RXRB: variants seen among roughly 807,000 people sequenced by gnomAD.
The protein encoded by RXRB is retinoic acid receptor RXR-beta.
In RXRB, 18 loss-of-function variants were observed where a neutral mutation model predicts 52.5. That is an observed-to-expected ratio of 0.34 (90% CI 0.24 to 0.51). The LOEUF is 0.51. Ranked by LOEUF, RXRB falls within the 20% of genes least tolerant of loss-of-function variation. The pLI is 0.97. For missense variants in RXRB, 455 were observed against 698.2 expected, an observed-to-expected ratio of 0.65 and a Z score of 3.92; for synonymous variants, 233 against 267.1, an observed-to-expected ratio of 0.87 and a Z score of 1.25.
At position 33,200,518 on chromosome 6, in the gene RXRB, A is replaced by C; in HGVS notation, c.-42T>G. 6.5e-7 allele frequency: 1 copy of C among 1,543,856 alleles called. No homozygotes were observed. The highest frequency in any genetic ancestry group is 1.2e-5 in the South Asian group (1 of 82,942). ...TAGGGATACCGAAGAGGTCCCAGGG[A>C]TTCCCAAGGATTGATCGGAGGATTA... is the stretch of plus-strand genomic sequence containing the variant. On this transcript the variant is annotated 5_prime_UTR_variant, in exon 1 of 10. Transcript: ENST00000374680. The surrounding 1 kb of genome is among the most constrained non-coding windows in gnomAD (Gnocchi z 6.3).
chr6:33,195,330 G>T lies in RXRB; in HGVS notation c.1348+33C>A. 1.4e-6 allele frequency: 2 copies of T among 1,408,318 alleles called. No individual in the cohort carries two copies. The highest frequency in any genetic ancestry group is 2.0e-6 in the Non-Finnish European group (2 of 993,096). The allele number at this position is 1,408,318 out of a possible 1,614,324, so 87.2% of individuals were successfully genotyped here. ...GAAGAGGAGGCTCCAAGGTTGCCTT[G>T]GCCTTGAGAGACAAAGGTAATCCTC... On this transcript the variant is annotated intron_variant, in intron 8 of 9. Coordinates refer to ENST00000374680, the MANE Select transcript of RXRB (RefSeq NM_021976.5). This position sits in a 1 kb window ranked among gnomAD's most constrained non-coding sequence, Gnocchi z 8.6.
Position 33,195,890 on chromosome 6 carries a change from G to A in RXRB, c.1123+17C>T, listed in dbSNP as rs1367295510. The A allele has an allele frequency of 6.2e-7, 1 of 1,612,048 alleles. No individual in the cohort carries two copies. The highest frequency in any genetic ancestry group is 8.5e-7 in the Non-Finnish European group (1 of 1,180,006). On this transcript the variant is annotated intron_variant, in intron 6 of 9. Transcript: ENST00000374680. The surrounding 1 kb of genome is among the most constrained non-coding windows in gnomAD (Gnocchi z 8.6). ...GGGTCAAATGTCAAGAAGTCAAAGGGATCCAAGGTCACTGACCTGCCCGCA... is the reference window on the plus strand; with the variant it reads ...GGGTCAAATGTCAAGAAGTCAAAGGAATCCAAGGTCACTGACCTGCCCGCA...
chr6:33,196,858 T>C lies in RXRB; in HGVS notation c.821-252A>G, dbSNP rs189171886. On this transcript the variant is annotated intron_variant, in intron 4 of 9. Transcript: ENST00000374680. The surrounding 1 kb of genome is among the most constrained non-coding windows in gnomAD (Gnocchi z 4.0). The stretch of plus-strand genomic sequence containing the variant: ...GAATTTAAATGGAGAGCCTACTACA[T>C]GGTTAAAAAAAACATGCCAAGATTC... Among the ~76,000 whole-genome samples, 63 of 152,016 alleles carry C rather than the reference T, an allele frequency of 4.1e-4. No homozygotes were observed. The highest frequency in any genetic ancestry group is 1.5e-3 in the African/African-American group (61 of 41,470).
chr6:33,198,355 G>A lies in RXRB; in HGVS notation c.593C>T (p.Pro198Leu). ...GLHCPPPPGG[P>L]GAGKRLCAIC... ...TGCACATAGCCGTTTGCCAGCCCCA[G>A]GGCCACCTGGAGGGGGTGGACAGTG... Residue 198 changes from proline to leucine, a missense_variant, in exon 3 of 10, where the codon CCT becomes CTT. Physicochemically the swap from Pro to Leu is moderately conservative, Grantham distance 98 (BLOSUM62 -3). This residue lies in a region of RXRB where 225 missense variants were observed against 258.6 expected (regional missense o/e 0.87). Transcript: ENST00000374680. 1 of 1,613,060 alleles carries A rather than the reference G, an allele frequency of 6.2e-7. No homozygotes were observed. The highest frequency in any genetic ancestry group is 8.5e-7 in the Non-Finnish European group (1 of 1,180,022).
rs1232184423 is a variant in RXRB, at chr6:33,195,527, C to T, written c.1256+43G>A. 2 of 1,613,046 alleles carry T rather than the reference C, an allele frequency of 1.2e-6. No homozygotes were observed. The highest frequency in any genetic ancestry group is 1.3e-5 in the African/African-American group (1 of 75,046). On this transcript the variant is annotated intron_variant, in intron 7 of 9. Transcript: ENST00000374680. This position sits in a 1 kb window ranked among gnomAD's most constrained non-coding sequence, Gnocchi z 8.6. ...TTGGACACGGACCAGCCTATAGCCC[C>T]ACCCCCTCTATCTACATGCCAGCCT...
chr6:33,194,438 A>C lies in RXRB; in HGVS notation c.*244T>G, dbSNP rs2744537. On this transcript the variant is annotated 3_prime_UTR_variant, in exon 10 of 10. Coordinates refer to ENST00000374680, the MANE Select transcript of RXRB (RefSeq NM_021976.5). This position sits in a 1 kb window ranked among gnomAD's most constrained non-coding sequence, Gnocchi z 4.1. ...AGAAATCACCCCAAATCATGGGAGA[A>C]CCCGACAAATTCAGAGACTCAAGGC... 0.77 allele frequency: 378,401 copies of C among 492,318 alleles called. 147,615 individuals carry two copies. The highest frequency in any genetic ancestry group is 0.98 in the East Asian group (30,398 of 30,906). The allele number at this position is 492,318 out of a possible 1,614,324, so 30.5% of individuals were successfully genotyped here.
rs1773750992 is a variant in RXRB at position 33,194,624 on chromosome 6, G to A, written c.*58C>T. 8 of 1,577,242 alleles carry A rather than the reference G, an allele frequency of 5.1e-6. No homozygotes were observed. In the South Asian group the frequency reaches 6.9e-5, roughly 14 times the overall value. On this transcript the variant is annotated 3_prime_UTR_variant, in exon 10 of 10. Transcript: ENST00000374680. This position sits in a 1 kb window ranked among gnomAD's most constrained non-coding sequence, Gnocchi z 4.1. The stretch of plus-strand genomic sequence containing the variant: ...GCCCCCCACCCTGCCCCAGGGCTTG[G>A]AGTCCCTCTTGGATGTGTGCTCCTC...
rs1419112393 is a variant in RXRB at position 33,197,949 on chromosome 6, G to T, written c.641-8C>A. The stretch of plus-strand genomic sequence containing the variant: ...AAACCCCGTAGTGTTTGCCTACAGG[G>T]AAAGGGGAGGAGCAATAAGAAGGTT... On this transcript the variant is annotated splice_polypyrimidine_tract_variant and splice_region_variant and intron_variant, in intron 3 of 9. Transcript: ENST00000374680. This position sits in a 1 kb window ranked among gnomAD's most constrained non-coding sequence, Gnocchi z 4.4. The T allele has an allele frequency of 3.1e-6, 5 of 1,612,002 alleles. No individual in the cohort carries two copies. In the South Asian group the frequency reaches 4.4e-5, roughly 14 times the overall value.
In RXRB at chr6:33,200,413, C is replaced by T. The variant is rs1215890784; in HGVS notation, c.64G>A (p.Val22Met). ...QRHAAGQCGPVGVRKEMHCGV... is the reference protein window; with the variant it reads ...QRHAAGQCGPMGVRKEMHCGV... Reference sequence around the variant, plus strand: ...CAATGCATTTCTTTTCGCACCCCCACCGGCCCACACTGCCCTGCGGCATGC... The same window carrying T: ...CAATGCATTTCTTTTCGCACCCCCATCGGCCCACACTGCCCTGCGGCATGC... Residue 22 changes from valine to methionine, a missense_variant, in exon 1 of 10, where the codon GTG becomes ATG. Physicochemically the swap from Val to Met is conservative, Grantham distance 21. Around this residue, in one of 4 missense-constraint regions of RXRB, gnomAD observed 225 missense variants for 258.6 expected, o/e 0.87. Coordinates refer to ENST00000374680, the MANE Select transcript of RXRB (RefSeq NM_021976.5). The surrounding 1 kb of genome is among the most constrained non-coding windows in gnomAD (Gnocchi z 6.3). 1.9e-6 allele frequency: 3 copies of T among 1,575,984 alleles called. No individual in the cohort carries two copies. The Admixed American group carries it at 5.5e-5, about 29-fold the overall frequency.
chr6:33,199,006 T>C (rs1276463639), intron 2 of RXRB, among the ~76,000 whole-genome samples, 163 bp downstream of exon 2: 1 of 151,220 alleles, frequency 6.6e-6, no homozygotes, highest in Non-Finnish European at 1.5e-5. Flanking sequence ...GAAAGATCAG[T>C]CACCTCAGGA....
Position 33,197,649 on chromosome 6 carries a change from A to G in RXRB, c.820+113T>C. On this transcript the variant is annotated intron_variant, in intron 4 of 9. Coordinates refer to ENST00000374680, the MANE Select transcript of RXRB (RefSeq NM_021976.5). The surrounding 1 kb of genome is among the most constrained non-coding windows in gnomAD (Gnocchi z 4.4). ...CTGCGAAGGGAGAGAGAAATCAAAT[A>G]TCGCCCTCTAGAGGAGAGAGAGCAG... 3 of 938,464 alleles carry G rather than the reference A, an allele frequency of 3.2e-6. No homozygotes were observed. The highest frequency in any genetic ancestry group is 4.8e-6 in the Non-Finnish European group (3 of 629,846). 58.1% of individuals were successfully genotyped at this position (938,464 alleles called of 1,614,324 possible).
rs1205069226 is a variant in RXRB at position 33,195,954 on chromosome 6, T to C, written c.1076A>G (p.His359Arg). The change falls in exon 6 of 10, where the codon CAC (histidine) becomes CGC (arginine). Residue 359 changes from histidine to arginine, a missense_variant. His to Arg is a conservative substitution (Grantham distance 29). This residue lies in a region of RXRB where 115 missense variants were observed against 253.1 expected (regional missense o/e 0.45). Coordinates refer to ENST00000374680, the MANE Select transcript of RXRB (RefSeq NM_021976.5). The surrounding 1 kb of genome is among the most constrained non-coding windows in gnomAD (Gnocchi z 8.6). ...TLVEWAKRIP[H>R]FSSLPLDDQV... ...ATCATCCAGAGGCAAGGAGGAAAAG[T>C]GTGGGATCCTCTTCGCCCACTCAAC... is the stretch of plus-strand genomic sequence containing the variant. 1 of 1,612,976 alleles carries C rather than the reference T, an allele frequency of 6.2e-7. No individual in the cohort carries two copies. Among genetic ancestry groups the C allele is most frequent in the Non-Finnish European group, 8.5e-7 (1 of 1,180,010 alleles).
In RXRB at chr6:33,195,108, C is replaced by T; in HGVS notation, c.1349-58G>A. ...ATGAAGACAAACCAAATCAGGATGG[C>T]CATGCAGATGTGAGCCACAGGATGC... On this transcript the variant is annotated intron_variant, in intron 8 of 9. Coordinates refer to ENST00000374680, the MANE Select transcript of RXRB (RefSeq NM_021976.5). The surrounding 1 kb of genome is among the most constrained non-coding windows in gnomAD (Gnocchi z 8.6). The T allele has an allele frequency of 7.8e-7, 1 of 1,277,548 alleles. No homozygotes were observed. Among genetic ancestry groups the T allele is most frequent in the Non-Finnish European group, 1.1e-6 (1 of 878,142 alleles). The allele number at this position is 1,277,548 out of a possible 1,614,324, so 79.1% of individuals were successfully genotyped here.
intron 3 of RXRB, 133 bp downstream of exon 3, chr6:33,198,175 T>G: frequency 7.5e-7 from 1 of 1,337,294 alleles, no homozygotes; most frequent in South Asian, 1.2e-5. Flanking sequence ...ACATCTCAGC[T>G]TCAGCTTCTT....
Position 33,200,660 on chromosome 6 carries a change from G to T in RXRB, c.-184C>A, listed in dbSNP as rs1482071548. 2 of 1,536,698 alleles carry T rather than the reference G, an allele frequency of 1.3e-6. No individual in the cohort carries two copies. The highest frequency in any genetic ancestry group is 4.0e-5 in the Admixed American group (2 of 50,186). On this transcript the variant is annotated 5_prime_UTR_variant, in exon 1 of 10. In the 5' UTR this introduces an upstream ATG that the reference lacks. Coordinates refer to ENST00000374680, the MANE Select transcript of RXRB (RefSeq NM_021976.5). This position sits in a 1 kb window ranked among gnomAD's most constrained non-coding sequence, Gnocchi z 6.3. The stretch of plus-strand genomic sequence containing the variant: ...CCAATGTGGCAGCCATCTTTGTACA[G>T]ACGGGAAGTCTCGGCGCGAGTTCCC...
rs759514501 is a variant in RXRB at position 33,197,025 on chromosome 6, G to A, written c.821-419C>T. 6.6e-6 allele frequency among the ~76,000 whole-genome samples: 1 copy of A among 152,162 alleles called. No homozygotes were observed. Among genetic ancestry groups the A allele is most frequent in the South Asian group, 2.1e-4 (1 of 4,828 alleles). On this transcript the variant is annotated intron_variant, in intron 4 of 9. Transcript: ENST00000374680. This position sits in a 1 kb window ranked among gnomAD's most constrained non-coding sequence, Gnocchi z 4.4. ...TCATTTTTAAGATGAAGAACTCGGG[G>A]TTCAAAGAGATTAGTTTGCTTAAAT...
Position 33,200,178 on chromosome 6 carries a change from T to C in RXRB, c.235+64A>G. The C allele has an allele frequency of 6.4e-7, 1 of 1,571,860 alleles. No individual in the cohort carries two copies. The highest frequency in any genetic ancestry group is 8.7e-7 in the Non-Finnish European group (1 of 1,154,982). On this transcript the variant is annotated intron_variant, in intron 1 of 9. Coordinates refer to ENST00000374680, the MANE Select transcript of RXRB (RefSeq NM_021976.5). This position sits in a 1 kb window ranked among gnomAD's most constrained non-coding sequence, Gnocchi z 6.3. ...CAAGGAAAAGAGCACCGGGGGAGGGTGTGGGGGAGGGGTCGCAGATAAAGC... is the reference window on the plus strand; with the variant it reads ...CAAGGAAAAGAGCACCGGGGGAGGGCGTGGGGGAGGGGTCGCAGATAAAGC...
At chr6:33,198,120 C>A (rs1249626849) in intron 3 of RXRB, among the ~76,000 whole-genome samples, 179 bp from the exon 4 acceptor site, 4 of 152,220 alleles carry the variant, frequency 2.6e-5, no homozygotes. Context: ...AGAAACCCTA[C>A]ACGCTGCTTC....
Position 33,199,981 on chromosome 6 carries a change from G to A in RXRB, c.235+261C>T, listed in dbSNP as rs775108287. The A allele has an allele frequency of 1.3e-5, 10 of 759,240 alleles. No individual in the cohort carries two copies. In the African/African-American group the frequency reaches 1.5e-4, roughly 12 times the overall value. The allele number at this position is 759,240 out of a possible 1,614,324, so 47.0% of individuals were successfully genotyped here. On this transcript the variant is annotated intron_variant, in intron 1 of 9. Coordinates refer to ENST00000374680, the MANE Select transcript of RXRB (RefSeq NM_021976.5). Reference sequence around the variant, plus strand: ...TGCCTGTAAACGCCCAAAGTCCTGAGGTTTAAGAGGAATCGTGCCCTTCCC... The same window carrying A: ...TGCCTGTAAACGCCCAAAGTCCTGAAGTTTAAGAGGAATCGTGCCCTTCCC...
Sources: allele counts gnomAD v4.1 joint callset (sites outside exome capture counted in the v4.1 genomes callset), GRCh38; gene constraint gnomAD v4.1.1; regional missense constraint gnomAD v4.1.1; non-coding constraint Gnocchi (gnomAD v3.1); transcripts MANE v1.5; gene names NCBI Gene and HGNC (gene_info 2026-07-23, HGNC 2026-07-21).